The following TIGD4 variants were observed in gnomAD, a reference collection of about 807,000 sequenced individuals.
The protein encoded by TIGD4 is tigger transposable element-derived protein 4.
A neutral mutation model predicts 24.9 loss-of-function variants in TIGD4; 20 were observed. The observed-to-expected ratio is 0.80, with a 90% CI of 0.56 to 1.17. The LOEUF (loss-of-function observed/expected upper bound fraction) is 1.17, where lower values mean the gene tolerates loss of function less well. Among genes scored for constraint, TIGD4 ranks in the 50% most tolerant of loss-of-function variants. The probability of loss-of-function intolerance (pLI) is 0.00; values close to 1 mark genes in which losing one functional copy is unlikely to be tolerated. For synonymous variants in TIGD4, 193 were observed against 211.0 expected, an observed-to-expected ratio of 0.91 and a Z score of 0.74; for missense variants, 566 against 591.0, an observed-to-expected ratio of 0.96 and a Z score of 0.44.
Position 152,771,020 on chromosome 4 carries a change from T to G in TIGD4, c.-16A>C. 7 of 1,572,188 alleles carry G rather than the reference T, an allele frequency of 4.5e-6. No individual in the cohort carries two copies. Among genetic ancestry groups the G allele is most frequent in the Non-Finnish European group, 6.0e-6 (7 of 1,166,696 alleles). The stretch of plus-strand genomic sequence containing the variant: ...CTTCTGCCATCTCAGCCAGTGCTTA[T>G]GTAGAGATTACTCTTCTTAACTTCC... On this transcript the variant is annotated 5_prime_UTR_variant, in exon 2 of 2. Coordinates refer to ENST00000304337, the MANE Select transcript of TIGD4 (RefSeq NM_145720.4).
intron 1 of TIGD4, among the ~76,000 whole-genome samples, chr4:152,771,992 T>C (rs907310702): frequency 4.6e-5 from 7 of 152,188 alleles, no homozygotes; most frequent in Non-Finnish European, 1.0e-4. Context: ...GTGTCTCTTT[T>C]ATAGGAGTCT....
chr4:152,769,651 A>G lies in TIGD4; in HGVS notation c.1354T>C (p.Tyr452His), dbSNP rs375045269. 5.6e-6 allele frequency: 9 copies of G among 1,613,332 alleles called. No individual in the cohort carries two copies. The highest frequency in any genetic ancestry group is 7.6e-6 in the Non-Finnish European group (9 of 1,179,690). Reference sequence around the variant, plus strand: ...TCATCATCCTCTTCATCAGAAGTGTAAAATCCAGTTTCATCCGATTTACTT... The same window carrying G: ...TCATCATCCTCTTCATCAGAAGTGTGAAATCCAGTTTCATCCGATTTACTT... ...KESKSDETGF[Y>H]TSDEEDDDGS... Residue 452 changes from tyrosine to histidine, a missense_variant, in exon 2 of 2, where the codon TAC becomes CAC. By Grantham distance (83) the Tyr-to-His change is moderately conservative. Transcript: ENST00000304337.
In TIGD4 at chr4:152,769,786, C is replaced by A. The variant is rs777972542; in HGVS notation, c.1219G>T (p.Ala407Ser). 6.2e-7 allele frequency: 1 copy of A among 1,613,344 alleles called. No homozygotes were observed. Among genetic ancestry groups the A allele is most frequent in the Non-Finnish European group, 8.5e-7 (1 of 1,179,928 alleles). Residue 407 changes from alanine (A) to serine (S), a missense_variant, in exon 2 of 2, where the codon GCA becomes TCA. Ala to Ser is a moderately conservative substitution (Grantham distance 99). Transcript: ENST00000304337. ...AAACCTTCAGGAAATTCTACTCCTGCCCCCAGAGCATCAGCAACCAAATCC... is the reference window on the plus strand; with the variant it reads ...AAACCTTCAGGAAATTCTACTCCTGACCCCAGAGCATCAGCAACCAAATCC... ...GLDLVADALG[A>S]GVEFPEGLSI...
Position 152,779,680 on chromosome 4 carries a change from A to C in TIGD4, c.-737T>G, listed in dbSNP as rs895308142. ...TGGAGACCTTCGACCTCTCAAGACC[A>C]GGCAGGGGCGCCCTTCCGCAAGCTC... On this transcript the variant is annotated 5_prime_UTR_variant, in exon 1 of 2. Coordinates refer to ENST00000304337, the MANE Select transcript of TIGD4 (RefSeq NM_145720.4). The C allele has an allele frequency of 2.6e-5, 4 of 152,254 alleles. No individual in the cohort carries two copies. The highest frequency in any genetic ancestry group is 9.7e-5 in the African/African-American group (4 of 41,432). 9.4% of individuals were successfully genotyped at this position (152,254 alleles called of 1,614,324 possible).
intron 1 of TIGD4, among the ~76,000 whole-genome samples, chr4:152,772,319 C>A (rs946263646): frequency 2.6e-5 from 4 of 151,724 alleles, no homozygotes; most frequent in Admixed American, 2.0e-4. Flanking sequence ...CAAGTCTTAA[C>A]GTCTCAGGTC....
chr4:152,770,842 A>G lies in TIGD4; in HGVS notation c.163T>C (p.Ser55Pro), dbSNP rs190652075. ...EYGIKKNSLSSIMKNKDKVLE... is the reference protein window; with the variant it reads ...EYGIKKNSLSPIMKNKDKVLE... ...ACTTTGTCTTTATTCTTCATAATAG[A>G]AGACAATGAATTTTTCTTTATTCCA... is the stretch of plus-strand genomic sequence containing the variant. The change falls in exon 2 of 2, where the codon TCT (serine) becomes CCT (proline). Residue 55 changes from serine (S) to proline (P), a missense_variant. Transcript: ENST00000304337. 5 of 1,613,628 alleles carry G rather than the reference A, an allele frequency of 3.1e-6. No individual in the cohort carries two copies. In the East Asian group the frequency reaches 6.7e-5, roughly 22 times the overall value.
In TIGD4 at chr4:152,770,886, G is replaced by A; in HGVS notation, c.119C>T (p.Ala40Val). The change falls in exon 2 of 2, where the codon GCA (alanine) becomes GTA (valine). Residue 40 changes from alanine to valine, a missense_variant. Coordinates refer to ENST00000304337, the MANE Select transcript of TIGD4 (RefSeq NM_145720.4). ...TATTCCATATTCAGCAGCAATCTCT[G>A]CTTTTTTCTTGCCACTTTCCACTGC... ...INAVESGKKK[A>V]EIAAEYGIKK... is the part of the protein sequence containing the mutation. The A allele has an allele frequency of 5.0e-6, 8 of 1,613,788 alleles. No individual in the cohort carries two copies. The South Asian group carries it at 7.7e-5, about 16-fold the overall frequency.
At chr4:152,778,085 A>G (rs925992874) in intron 1 of TIGD4, among the ~76,000 whole-genome samples, 1 of 151,904 alleles carries the variant, frequency 6.6e-6, no homozygotes, top group Non-Finnish European at 1.5e-5. Context: ...ATCCATCTGA[A>G]TCTCCATCAA....
intron 1 of TIGD4, among the ~76,000 whole-genome samples, chr4:152,772,278 T>A (rs796565136): frequency 1.1e-4 from 17 of 152,094 alleles, no homozygotes; most frequent in African/African-American, 2.7e-4. Flanking sequence ...CAGAAAAAGA[T>A]GTAGACTAAG....
At position 152,771,488 on chromosome 4, in the gene TIGD4, C is replaced by A; in HGVS notation, c.-484G>T. 6.0e-6 allele frequency: 1 copy of A among 166,300 alleles called. No homozygotes were observed. The allele number at this position is 166,300 out of a possible 1,614,324, so 10.3% of individuals were successfully genotyped here. A position where few individuals can be genotyped will look rare whatever the true frequency, so the allele number is the denominator to read the frequency against. ...TTACCCATTAATTTTCAAGTTTGTTCATGGTAAAGAAGAAAATGGTAGAAT... is the reference window on the plus strand; with the variant it reads ...TTACCCATTAATTTTCAAGTTTGTTAATGGTAAAGAAGAAAATGGTAGAAT... On this transcript the variant is annotated 5_prime_UTR_variant, in exon 2 of 2. It removes an upstream start codon present in the reference 5' UTR. Coordinates refer to ENST00000304337, the MANE Select transcript of TIGD4 (RefSeq NM_145720.4).
chr4:152,774,653 A>G (rs1456254880), intron 1 of TIGD4, among the ~76,000 whole-genome samples: 1 of 152,218 alleles, frequency 6.6e-6, no homozygotes, highest in Non-Finnish European at 1.5e-5. Flanking sequence ...GCAAATCATC[A>G]AAAAAGACTC....
chr4:152,773,642 TAA>T (rs71598212), intron 1 of TIGD4, among the ~76,000 whole-genome samples: 3 of 82,146 alleles, frequency 3.7e-5, no homozygotes, highest in South Asian at 8.6e-4. Flanking sequence ...TCCAATGCCT[TAA>T]AAAAAAAAAA....
chr4:152,774,085 T>C (rs1015765140), intron 1 of TIGD4, among the ~76,000 whole-genome samples: 1 of 148,970 alleles, frequency 6.7e-6, no homozygotes, highest in Admixed American at 6.7e-5. Context: ...CCTCCCTTCC[T>C]TCCTCTCTCC....
At chr4:152,773,642 T>TA (rs71598212) in intron 1 of TIGD4, among the ~76,000 whole-genome samples, 3,111 of 81,986 alleles carry the variant, frequency 0.038, 103 homozygotes, top group Non-Finnish European at 0.051. Context: ...TCCAATGCCT[T>TA]AAAAAAAAAA....
Position 152,771,164 on chromosome 4 carries a change from C to A in TIGD4, c.-160G>T, listed in dbSNP as rs1730166551. On this transcript the variant is annotated 5_prime_UTR_variant, in exon 2 of 2. Coordinates refer to ENST00000304337, the MANE Select transcript of TIGD4 (RefSeq NM_145720.4). ...GTCTTATTTTGTAGGAACTTGATGA[C>A]AAAATATGCTTTTTCAAAGATCTGA... is the stretch of plus-strand genomic sequence containing the variant. 1.2e-6 allele frequency: 1 copy of A among 806,658 alleles called. No homozygotes were observed. The highest frequency in any genetic ancestry group is 1.8e-6 in the Non-Finnish European group (1 of 561,112). The allele number at this position is 806,658 out of a possible 1,614,324, so 50.0% of individuals were successfully genotyped here.
At chr4:152,772,256 G>T (rs1730190077) in intron 1 of TIGD4, among the ~76,000 whole-genome samples, 1 of 152,074 alleles carries the variant, frequency 6.6e-6, no homozygotes, top group East Asian at 1.9e-4. Context: ...AAACAATTAG[G>T]AGAGTATAAT....
intron 1 of TIGD4, among the ~76,000 whole-genome samples, chr4:152,773,767 G>T (rs796796554): frequency 1.3e-5 from 2 of 150,336 alleles, no homozygotes; most frequent in African/African-American, 4.9e-5. Flanking sequence ...AATAAGATTT[G>T]ACCATACAAC....
At chr4:152,776,014 A>G (rs1730254937) in intron 1 of TIGD4, among the ~76,000 whole-genome samples, 1 of 152,260 alleles carries the variant, frequency 6.6e-6, no homozygotes, top group Admixed American at 6.5e-5. Flanking sequence ...AATAAATTAC[A>G]AAATATCTAC....
In TIGD4 at chr4:152,770,546, A is replaced by T. The variant is rs1048349229; in HGVS notation, c.459T>A (p.Gly153=). The T allele has an allele frequency of 6.2e-7, 1 of 1,612,756 alleles. No homozygotes were observed. Among genetic ancestry groups the T allele is most frequent in the Non-Finnish European group, 8.5e-7 (1 of 1,179,252 alleles). The change falls in exon 2 of 2, where the codon GGT becomes GGA. Residue 153 remains glycine (G), a synonymous_variant. Transcript: ENST00000304337. The stretch of plus-strand genomic sequence containing the variant: ...AGACAGTCGAAGGGTCTACTGGTAC[A>T]CCTGTAGCTTCTACAGGTTGAGCTC... ...VFRAQPVEAT[G]VPVDPSTVWY... is the part of the protein sequence containing the mutation.
Sources: gnomAD v4.1 joint callset for allele counts (sites outside exome capture counted in the v4.1 genomes callset) on GRCh38, gnomAD v4.1.1 for gene constraint, MANE v1.5 for transcripts, NCBI Gene and HGNC (gene_info 2026-07-23, HGNC 2026-07-21) for gene names.